PPP1R9A: variants seen among roughly 807,000 people sequenced by gnomAD.
PPP1R9A encodes neurabin-1.
A neutral mutation model predicts 141.9 loss-of-function variants in PPP1R9A; 59 were observed. The observed-to-expected ratio is 0.42, with a 90% CI of 0.34 to 0.52. The LOEUF (loss-of-function observed/expected upper bound fraction) is 0.52. Among genes scored for constraint, PPP1R9A ranks in the 20% least tolerant of loss-of-function variants. PPP1R9A has a pLI of 0.10. For missense variants in PPP1R9A, 1,444 were observed against 1,611.9 expected (o/e 0.90, Z 1.78); for synonymous variants, 500 against 569.7 (o/e 0.88, Z 1.74).
chr7:95,065,635 A>G (rs1563186654), intron 2 of PPP1R9A, among the ~76,000 whole-genome samples: 1 of 152,176 alleles, frequency 6.6e-6, no homozygotes, highest in East Asian at 1.9e-4. Flanking sequence ...AACTACTGTT[A>G]TTCTTCAAGA....
chr7:95,253,731 T>G (rs1799201674), intron 12 of PPP1R9A, among the ~76,000 whole-genome samples: 1 of 152,150 alleles, frequency 6.6e-6, no homozygotes, highest in African/African-American at 2.4e-5. Flanking sequence ...TTATTTGAGC[T>G]CTTATGGAAT....
chr7:95,025,203 A>G (rs776789915), intron 2 of PPP1R9A, among the ~76,000 whole-genome samples: 1 of 151,924 alleles, frequency 6.6e-6, no homozygotes, highest in African/African-American at 2.4e-5. Flanking sequence ...AGTAGTTGAG[A>G]TTACAGGTGG....
intron 8 of PPP1R9A, among the ~76,000 whole-genome samples, chr7:95,236,922 A>G (rs777876190): frequency 2.0e-5 from 3 of 151,440 alleles, no homozygotes; most frequent in African/African-American, 7.3e-5. Flanking sequence ...CAAAAGAATG[A>G]TATAGTGTTT....
chr7:94,910,691 C>T lies in PPP1R9A; in HGVS notation c.578C>T (p.Ser193Phe). 1 of 1,614,154 alleles carries T rather than the reference C, an allele frequency of 6.2e-7. No homozygotes were observed. Among genetic ancestry groups the T allele is most frequent in the Non-Finnish European group, 8.5e-7 (1 of 1,180,022 alleles). Residue 193 changes from serine (S) to phenylalanine (F), a missense_variant, in exon 2 of 20, where the codon TCC (serine) becomes TTC (phenylalanine). Physicochemically the swap from Ser to Phe is radical, Grantham distance 155. Coordinates refer to ENST00000433360, the MANE Select transcript of PPP1R9A (RefSeq NM_001166160.2). The surrounding 1 kb of genome is among the most constrained non-coding windows in gnomAD (Gnocchi z 4.5). Reference sequence around the variant, plus strand: ...ACTGATTCCTTGGACAGCCTTAGCTCCCGAACTGAGGCTGTCTCCCCAACT... The same window carrying T: ...ACTGATTCCTTGGACAGCCTTAGCTTCCGAACTGAGGCTGTCTCCCCAACT... ...GSTDSLDSLS[S>F]RTEAVSPTVS...
chr7:95,240,160 A>G (rs569343765), intron 8 of PPP1R9A, among the ~76,000 whole-genome samples: 1 of 151,968 alleles, frequency 6.6e-6, no homozygotes, highest in Non-Finnish European at 1.5e-5. Flanking sequence ...TAATTCATTT[A>G]TGAACTTTTT....
intron 2 of PPP1R9A, among the ~76,000 whole-genome samples, chr7:95,043,589 A>G (rs1227073013): frequency 6.6e-6 from 1 of 152,144 alleles, no homozygotes; most frequent in Non-Finnish European, 1.5e-5. Flanking sequence ...CCCCTCTAGC[A>G]TGACCCTGTA....
chr7:95,201,739 T>C (rs1789612754), intron 6 of PPP1R9A, among the ~76,000 whole-genome samples: 1 of 152,210 alleles, frequency 6.6e-6, no homozygotes, highest in South Asian at 2.1e-4. Flanking sequence ...TAGTATATCT[T>C]TGTTAATCAG....
intron 2 of PPP1R9A, among the ~76,000 whole-genome samples, chr7:94,935,524 C>G (rs1794675805): frequency 6.6e-6 from 1 of 152,144 alleles, no homozygotes; most frequent in Non-Finnish European, 1.5e-5. Flanking sequence ...TTAAAAAGTT[C>G]TCTTCTTGCC....
intron 2 of PPP1R9A, among the ~76,000 whole-genome samples, chr7:94,983,337 T>C (rs966185082): frequency 2.0e-5 from 3 of 152,192 alleles, no homozygotes; most frequent in African/African-American, 4.8e-5. Flanking sequence ...CCATATGAAC[T>C]TTAAAGTAGT....
chr7:95,067,914 A>G (rs1421052020), intron 2 of PPP1R9A, among the ~76,000 whole-genome samples: 1 of 152,170 alleles, frequency 6.6e-6, no homozygotes, highest in Non-Finnish European at 1.5e-5. Flanking sequence ...CTATCTGGCT[A>G]GATCCTGGTT....
intron 2 of PPP1R9A, among the ~76,000 whole-genome samples, chr7:95,016,014 C>T (rs1805053880): frequency 6.6e-6 from 1 of 152,122 alleles, no homozygotes; most frequent in Non-Finnish European, 1.5e-5. Context: ...GATTGCGCTA[C>T]TGCACTTCAG....
rs549426108 is a variant in PPP1R9A, at chr7:95,202,456, A to G, written c.1891-1209A>G. 13 of 234,810 alleles carry G rather than the reference A, an allele frequency of 5.5e-5. No homozygotes were observed. In the South Asian group the frequency reaches 1.4e-3, roughly 25 times the overall value. The allele number at this position is 234,810 out of a possible 1,614,324, so 14.5% of individuals were successfully genotyped here. A position where few individuals can be genotyped will look rare whatever the true frequency, so the allele number is the denominator to read the frequency against. Reference sequence around the variant, plus strand: ...AATATTTGAACAATTGAAAAATTTTAAATGTATATCTGAATATATCTGTGA... The same window carrying G: ...AATATTTGAACAATTGAAAAATTTTGAATGTATATCTGAATATATCTGTGA... On this transcript the variant is annotated intron_variant, in intron 6 of 19. Coordinates refer to ENST00000433360, the MANE Select transcript of PPP1R9A (RefSeq NM_001166160.2).
At chr7:94,997,940 TC>T (rs1191373215) in intron 2 of PPP1R9A, among the ~76,000 whole-genome samples, 4 of 152,152 alleles carry the variant, frequency 2.6e-5, no homozygotes, top group Non-Finnish European at 5.9e-5. Context: ...CACTCATGGA[TC>T]ATAATTCTGG....
chr7:94,973,783 A>G lies in PPP1R9A; in HGVS notation c.1395+62275A>G, dbSNP rs138270162. On this transcript the variant is annotated intron_variant, in intron 2 of 19. Transcript: ENST00000433360. The stretch of plus-strand genomic sequence containing the variant: ...GCCCAGGCTGGAGTGCAGTGGCACA[A>G]TCATAGCTCACTGTTGCCTCAACCT... Among the ~76,000 whole-genome samples the G allele has an allele frequency of 6.4e-3, 974 of 151,506 alleles. 11 individuals are homozygous for G. Among genetic ancestry groups the G allele is most frequent in the African/African-American group, 0.022 (922 of 41,244 alleles).
At chr7:95,039,051 C>T (rs1341167799) in intron 2 of PPP1R9A, among the ~76,000 whole-genome samples, 1 of 152,118 alleles carries the variant, frequency 6.6e-6, no homozygotes, top group Admixed American at 6.5e-5. Context: ...TATAACATGT[C>T]CACTTTCAAC....
chr7:95,096,509 C>T (rs1475657794), intron 2 of PPP1R9A, among the ~76,000 whole-genome samples: 1 of 152,174 alleles, frequency 6.6e-6, no homozygotes, highest in Non-Finnish European at 1.5e-5. Context: ...CTGAGTCCTC[C>T]AAAAGGACTG....
chr7:95,095,874 T>G (rs73427099), intron 2 of PPP1R9A, among the ~76,000 whole-genome samples: 3,695 of 150,886 alleles, frequency 0.024, 162 homozygotes, highest in African/African-American at 0.086. Flanking sequence ...GTTTTGAAGG[T>G]TTTTTTTTCC....
At chr7:94,995,021 G>A (rs1801994582) in intron 2 of PPP1R9A, among the ~76,000 whole-genome samples, 1 of 152,020 alleles carries the variant, frequency 6.6e-6, no homozygotes, top group Admixed American at 6.6e-5. Context: ...AATGCAGTTT[G>A]CTAATGTAGT....
At chr7:95,181,978 T>C (rs1057204870) in intron 5 of PPP1R9A, among the ~76,000 whole-genome samples, 7 of 151,542 alleles carry the variant, frequency 4.6e-5, no homozygotes, top group Non-Finnish European at 1.0e-4. Context: ...GGGGCTAAGC[T>C]ATGAGGATGT....
Sources: gnomAD v4.1 joint callset for allele counts (sites outside exome capture counted in the v4.1 genomes callset) on GRCh38, gnomAD v4.1.1 for gene constraint, Gnocchi (gnomAD v3.1) non-coding constraint, MANE v1.5 for transcripts, NCBI Gene and HGNC (gene_info 2026-07-23, HGNC 2026-07-21) for gene names.